Variants in KCNQ1OT1 observed in about 807,000 individuals in gnomAD.
KCNQ1OT1 encodes KCNQ1 antisense RNA 2 (non-protein coding).
rs764527977 is a variant in KCNQ1OT1, at chr11:2,664,250, G to A, written n.35745C>T. 1 of 399,078 alleles carries A rather than the reference G, an allele frequency of 2.5e-6. No homozygotes were observed. The allele number at this position is 399,078 out of a possible 1,614,324, so 24.7% of individuals were successfully genotyped here. On this transcript the variant is annotated non_coding_transcript_exon_variant, in exon 1 of 1. Transcript: ENST00000597346. This position sits in a 1 kb window ranked among gnomAD's most constrained non-coding sequence, Gnocchi z 5.1. ...GGTGAGGGATCTGAAGAGGGGACTG[G>A]GAGAGGGAAAAACAAGGAGGTTGCT...
exon 1 of KCNQ1OT1, chr11:2,685,097 G>C (rs231355): frequency 0.6 from 241,005 of 398,524 alleles, 77,824 homozygotes; most frequent in East Asian, 0.99. Context: ...CAGGGAAGGG[G>C]CCCTTTTGGC....
exon 1 of KCNQ1OT1, chr11:2,628,925 A>G: frequency 2.5e-6 from 1 of 398,378 alleles, no homozygotes; most frequent in Non-Finnish European, 4.4e-6. Context: ...AGTTGACCAT[A>G]AATGTGTGGG....
At chr11:2,662,184 C>A in exon 1 of KCNQ1OT1, 1 of 1,503,680 alleles carries the variant, frequency 6.7e-7, no homozygotes, top group South Asian at 1.2e-5. Context: ...AGAGTGCTAT[C>A]TACTCGCCTA....
Position 2,626,258 on chromosome 11 carries a change from C to T in KCNQ1OT1, n.73737G>A. 2.5e-6 allele frequency: 1 copy of T among 398,378 alleles called. No homozygotes were observed. The highest frequency in any genetic ancestry group is 3.6e-5 in the East Asian group (1 of 28,048). The allele number at this position is 398,378 out of a possible 1,614,324, so 24.7% of individuals were successfully genotyped here. The stretch of plus-strand genomic sequence containing the variant: ...TAGGTAAGGGTCTCAACTTCATTCT[C>T]TTTTATACATGGTTAGGTAAGGATC... On this transcript the variant is annotated non_coding_transcript_exon_variant, in exon 1 of 1. Coordinates refer to ENST00000597346, the Ensembl canonical transcript of KCNQ1OT1. The surrounding 1 kb of genome is among the most constrained non-coding windows in gnomAD (Gnocchi z 4.0).
At chr11:2,675,157 A>G (rs1850270072) in exon 1 of KCNQ1OT1, 1 of 398,650 alleles carries the variant, frequency 2.5e-6, no homozygotes, top group Non-Finnish European at 4.4e-6. Flanking sequence ...TATTAGAGGT[A>G]GTGCTCTAGC....
At chr11:2,610,136 T>A in exon 1 of KCNQ1OT1, 1 of 398,000 alleles carries the variant, frequency 2.5e-6, no homozygotes, top group Non-Finnish European at 4.4e-6. Context: ...CTTTCTAATA[T>A]AAATTTTCAT....
chr11:2,657,676 C>T lies in KCNQ1OT1; in HGVS notation n.42319G>A, dbSNP rs1849874202. The T allele has an allele frequency of 7.5e-6, 3 of 398,592 alleles. No individual in the cohort carries two copies. Among genetic ancestry groups the T allele is most frequent in the Non-Finnish European group, 1.3e-5 (3 of 226,056 alleles). 24.7% of individuals were successfully genotyped at this position (398,592 alleles called of 1,614,324 possible). A position where few individuals can be genotyped will look rare whatever the true frequency, so the allele number is the denominator to read the frequency against. On this transcript the variant is annotated non_coding_transcript_exon_variant, in exon 1 of 1. Coordinates refer to ENST00000597346, the Ensembl canonical transcript of KCNQ1OT1. The surrounding 1 kb of genome is among the most constrained non-coding windows in gnomAD (Gnocchi z 4.8). ...ATTTCCCCAGTTTAACTACTAATGT[C>T]CTTTTTCTGTTCCAAGATCCCATCT...
exon 1 of KCNQ1OT1, chr11:2,655,998 A>C (rs1490252491): frequency 5.0e-6 from 2 of 398,500 alleles, no homozygotes; most frequent in African/African-American, 4.1e-5. Flanking sequence ...TGCACATTTT[A>C]ATTTCCTAAA....
In KCNQ1OT1 at chr11:2,674,063, C is replaced by T. The variant is rs1850240819; in HGVS notation, n.25932G>A. On this transcript the variant is annotated non_coding_transcript_exon_variant, in exon 1 of 1. Coordinates refer to ENST00000597346, the Ensembl canonical transcript of KCNQ1OT1. The surrounding 1 kb of genome is among the most constrained non-coding windows in gnomAD (Gnocchi z 5.9). ...CCCCTCATTTGTACTTGCTGGCTGC[C>T]CCATGGGGGCTTGGGCTAGGTCTCC... The T allele has an allele frequency of 1.0e-5, 4 of 398,450 alleles. No individual in the cohort carries two copies. Among genetic ancestry groups the T allele is most frequent in the East Asian group, 3.6e-5 (1 of 28,048 alleles). The allele number at this position is 398,450 out of a possible 1,614,324, so 24.7% of individuals were successfully genotyped here.
chr11:2,693,013 G>A (rs1653075801), exon 1 of KCNQ1OT1: 1 of 398,672 alleles, frequency 2.5e-6, no homozygotes. Flanking sequence ...AGCACGCTCA[G>A]TGAAGGAACA....
chr11:2,685,636 G>C, exon 1 of KCNQ1OT1: 1 of 398,756 alleles, frequency 2.5e-6, no homozygotes, highest in East Asian at 3.6e-5. Context: ...ACTCAGGGTT[G>C]AGGGGACAAG....
rs570329370 is a variant in KCNQ1OT1 at position 2,652,173 on chromosome 11, G to GC, written n.47821dup. ...CGCGCCCTCGGGGCCTGGGGGTGGG[G>GC]CCCCAGCAGATGTCTGGATTTGGTA... On this transcript the variant is annotated non_coding_transcript_exon_variant, in exon 1 of 1. Coordinates refer to ENST00000597346, the Ensembl canonical transcript of KCNQ1OT1. This position sits in a 1 kb window ranked among gnomAD's most constrained non-coding sequence, Gnocchi z 5.9. The GC allele has an allele frequency of 2.3e-3, 918 of 398,640 alleles. 2 individuals are homozygous for GC. Among genetic ancestry groups the GC allele is most frequent in the Non-Finnish European group, 3.6e-3 (815 of 226,112 alleles). The allele number at this position is 398,640 out of a possible 1,614,324, so 24.7% of individuals were successfully genotyped here.
Position 2,624,167 on chromosome 11 carries a change from G to A in KCNQ1OT1, n.75828C>T, listed in dbSNP as rs186046486. On this transcript the variant is annotated non_coding_transcript_exon_variant, in exon 1 of 1. Coordinates refer to ENST00000597346, the Ensembl canonical transcript of KCNQ1OT1. This position sits in a 1 kb window ranked among gnomAD's most constrained non-coding sequence, Gnocchi z 4.9. The stretch of plus-strand genomic sequence containing the variant: ...TTTTAATTTCCATTTCCCTAATGAC[G>A]TAAGATGTGGGGCATCTTTTCATAT... The A allele has an allele frequency of 4.3e-5, 17 of 398,532 alleles. No individual in the cohort carries two copies. Among genetic ancestry groups the A allele is most frequent in the African/African-American group, 1.0e-4 (5 of 48,730 alleles). The allele number at this position is 398,532 out of a possible 1,614,324, so 24.7% of individuals were successfully genotyped here. A position where few individuals can be genotyped will look rare whatever the true frequency, so the allele number is the denominator to read the frequency against.
In KCNQ1OT1 at chr11:2,687,975, T is replaced by C; in HGVS notation, n.12020A>G. The C allele has an allele frequency of 7.5e-6, 3 of 398,746 alleles. No individual in the cohort carries two copies. Among genetic ancestry groups the C allele is most frequent in the Non-Finnish European group, 1.3e-5 (3 of 226,178 alleles). The allele number at this position is 398,746 out of a possible 1,614,324, so 24.7% of individuals were successfully genotyped here. ...GTCAGCCAGGCCGCTGCTTCCTGCT[T>C]CCCTTTGATGTCTCCTCGTGCGAGG... On this transcript the variant is annotated non_coding_transcript_exon_variant, in exon 1 of 1. Transcript: ENST00000597346. This position sits in a 1 kb window ranked among gnomAD's most constrained non-coding sequence, Gnocchi z 5.0.
At chr11:2,628,625 G>C (rs1849298891) in exon 1 of KCNQ1OT1, 1 of 398,226 alleles carries the variant, frequency 2.5e-6, no homozygotes, top group Non-Finnish European at 4.4e-6. Flanking sequence ...TTGTTGTGCA[G>C]ACACTTTTTT....
chr11:2,681,494 A>C (rs1850396242), exon 1 of KCNQ1OT1: 1 of 398,400 alleles, frequency 2.5e-6, no homozygotes, highest in South Asian at 1.3e-4. Flanking sequence ...AATGGGACTT[A>C]GTAAAGTCAA....
rs1310873082 is a variant in KCNQ1OT1 at position 2,687,597 on chromosome 11, G to A, written n.12398C>T. ...TGTCAAGGAGGTGTGACTGAGAAAG[G>A]AAGGGGCAGAGATCCCTTCTCCATT... On this transcript the variant is annotated non_coding_transcript_exon_variant, in exon 1 of 1. Transcript: ENST00000597346. The surrounding 1 kb of genome is among the most constrained non-coding windows in gnomAD (Gnocchi z 5.0). The A allele has an allele frequency of 2.5e-6, 1 of 398,608 alleles. No homozygotes were observed. Among genetic ancestry groups the A allele is most frequent in the Admixed American group, 4.4e-5 (1 of 22,716 alleles). The allele number at this position is 398,608 out of a possible 1,614,324, so 24.7% of individuals were successfully genotyped here. A position where few individuals can be genotyped will look rare whatever the true frequency, so the allele number is the denominator to read the frequency against.
In KCNQ1OT1 at chr11:2,652,116, T is replaced by C; in HGVS notation, n.47879A>G. 2.5e-6 allele frequency: 1 copy of C among 398,572 alleles called. No homozygotes were observed. The highest frequency in any genetic ancestry group is 4.4e-6 in the Non-Finnish European group (1 of 226,098). The allele number at this position is 398,572 out of a possible 1,614,324, so 24.7% of individuals were successfully genotyped here. On this transcript the variant is annotated non_coding_transcript_exon_variant, in exon 1 of 1. Coordinates refer to ENST00000597346, the Ensembl canonical transcript of KCNQ1OT1. The surrounding 1 kb of genome is among the most constrained non-coding windows in gnomAD (Gnocchi z 5.9). Reference sequence around the variant, plus strand: ...CCCCAGTTCTGGCCTGGCTGGGAGGTGGCCTGGGAAGGGACCTGTGTTTCT... The same window carrying C: ...CCCCAGTTCTGGCCTGGCTGGGAGGCGGCCTGGGAAGGGACCTGTGTTTCT...
exon 1 of KCNQ1OT1, chr11:2,610,293 A>G (rs1043213751): frequency 1.3e-5 from 5 of 397,978 alleles, no homozygotes; most frequent in Non-Finnish European, 2.2e-5. Context: ...CAGTTTTACC[A>G]CTTTTTGTGG....
Sources: allele counts gnomAD v4.1 joint callset, GRCh38; gene constraint gnomAD v4.1.1; non-coding constraint Gnocchi (gnomAD v3.1); transcripts MANE v1.5; gene names NCBI Gene and HGNC (gene_info 2026-07-23, HGNC 2026-07-21).